The following NPHP1 variants were observed in gnomAD, a reference collection of about 807,000 sequenced individuals.
NPHP1 encodes the protein nephrocystin-1.
In NPHP1, 70 loss-of-function variants were observed where a neutral mutation model predicts 90.4. The observed-to-expected ratio is 0.77, with a 90% CI of 0.64 to 0.95. The LOEUF is 0.95. Among genes scored for constraint, NPHP1 ranks in the 40% least tolerant of loss-of-function variants. The pLI is 0.00. For synonymous variants in NPHP1, 256 were observed against 271.7 expected (o/e 0.94, Z 0.57); for missense variants, 764 against 795.9 (o/e 0.96, Z 0.48).
At position 110,123,484 on chromosome 2, in the gene NPHP1, A is replaced by C. The variant is rs1171285385; in HGVS notation, c.*307T>G. On this transcript the variant is annotated 3_prime_UTR_variant, in exon 20 of 20. Coordinates refer to ENST00000445609, the MANE Select transcript of NPHP1 (RefSeq NM_001128178.3). ...TTTTTCACTTTCTTGAATAATCATA[A>C]ATTTAGTTTTTGACAAAATCTTGCT... The C allele has an allele frequency of 8.4e-6, 2 of 238,496 alleles. No individual in the cohort carries two copies. Among genetic ancestry groups the C allele is most frequent in the Non-Finnish European group, 1.6e-5 (2 of 123,690 alleles). 14.8% of individuals were successfully genotyped at this position (238,496 alleles called of 1,614,324 possible).
rs1008773396 is a variant in NPHP1, at chr2:110,179,641, G to A, written c.187C>T (p.Leu63Phe). The change falls in exon 3 of 20, where the codon CTT becomes TTT. Residue 63 changes from leucine to phenylalanine, a missense_variant. Leu to Phe is a conservative substitution (Grantham distance 22, BLOSUM62 0). Coordinates refer to ENST00000445609, the MANE Select transcript of NPHP1 (RefSeq NM_001128178.3). The stretch of plus-strand genomic sequence containing the variant: ...ATACTTACTTTGCTTAATTTTTGAA[G>A]AGCATTTTTATTTTCATCTATTGCC... ...KQAIDENKNA[L>F]QKLSKADESA... is the part of the protein sequence containing the mutation. 2.9e-6 allele frequency: 4 copies of A among 1,365,268 alleles called. No individual in the cohort carries two copies. Among genetic ancestry groups the A allele is most frequent in the East Asian group, 2.3e-5 (1 of 43,382 alleles). The allele number at this position is 1,365,268 out of a possible 1,614,324, so 84.6% of individuals were successfully genotyped here.
intron 18 of NPHP1, 40 bp from the exon 19 acceptor site, chr2:110,125,721 A>G: frequency 1.3e-6 from 2 of 1,560,802 alleles, no homozygotes; most frequent in Non-Finnish European, 1.8e-6. Context: ...TCCAAGTAGT[A>G]ACAAGTCCTT....
chr2:110,192,748 A>T (rs965228176), intron 2 of NPHP1, among the ~76,000 whole-genome samples: 1 of 152,198 alleles, frequency 6.6e-6, no homozygotes, highest in African/African-American at 2.4e-5. Context: ...TGTTAAGGGC[A>T]GCCAGAGAGA....
At chr2:110,185,892 G>A (rs1031746160) in intron 2 of NPHP1, among the ~76,000 whole-genome samples, 2 of 152,156 alleles carry the variant, frequency 1.3e-5, no homozygotes, top group African/African-American at 2.4e-5. Context: ...CCTTCCAGGG[G>A]CCTTGGGAGA....
chr2:110,174,346 T>C (rs1159770878), intron 4 of NPHP1, among the ~76,000 whole-genome samples: 1 of 152,180 alleles, frequency 6.6e-6, no homozygotes, highest in Non-Finnish European at 1.5e-5. Context: ...AGTATTCCAT[T>C]TTATTGTGTT....
intron 19 of NPHP1, chr2:110,125,361 A>G: frequency 6.6e-7 from 1 of 1,505,452 alleles, no homozygotes; most frequent in African/African-American, 1.4e-5. Flanking sequence ...AATTTGATAC[A>G]CAACTGAGAG....
At chr2:110,203,648 C>T (rs1685721258) in intron 1 of NPHP1, among the ~76,000 whole-genome samples, 1 of 151,882 alleles carries the variant, frequency 6.6e-6, no homozygotes, top group African/African-American at 2.4e-5. Flanking sequence ...CTCTTACCGG[C>T]CTCAGATTAT....
chr2:110,179,575 C>A, intron 3 of NPHP1, 49 bp downstream of exon 3: 1 of 895,740 alleles, frequency 1.1e-6, no homozygotes. Context: ...AATAAAAATA[C>A]TTGTATAGGA....
chr2:110,126,585 T>C (rs909518508), intron 18 of NPHP1: 9 of 152,606 alleles, frequency 5.9e-5, no homozygotes, highest in Non-Finnish European at 1.3e-4. Flanking sequence ...TATGGGTCCT[T>C]AGGAGTTTGA....
chr2:110,140,912 G>A (rs1680578711), intron 16 of NPHP1, among the ~76,000 whole-genome samples: 4 of 152,180 alleles, frequency 2.6e-5, no homozygotes, highest in Admixed American at 2.0e-4. Context: ...GTAGTGGTAA[G>A]AACAAGGGAT....
rs1682464897 is a variant in NPHP1, at chr2:110,163,095, A to G, written c.812T>C (p.Ile271Thr). ...TVDVLTTMGA[I>T]PAGFRPSTLS... ...CGTGGAAGGCCTGAACCCTGCAGGA[A>G]TAGCTCCCATCGTAGTTAACACATC... The change falls in exon 9 of 20, where the codon ATT becomes ACT. Residue 271 changes from isoleucine (I) to threonine (T), a missense_variant. Coordinates refer to ENST00000445609, the MANE Select transcript of NPHP1 (RefSeq NM_001128178.3). The G allele has an allele frequency of 6.2e-7, 1 of 1,613,668 alleles. No homozygotes were observed. Among genetic ancestry groups the G allele is most frequent in the South Asian group, 1.1e-5 (1 of 91,060 alleles).
intron 2 of NPHP1, among the ~76,000 whole-genome samples, chr2:110,198,367 T>C (rs1685311188): frequency 6.6e-6 from 1 of 152,174 alleles, no homozygotes; most frequent in Non-Finnish European, 1.5e-5. Context: ...TTGTGTTATA[T>C]TGTGTAAATT....
In NPHP1 at chr2:110,169,958, C is replaced by T. The variant is rs1337821452; in HGVS notation, c.370G>A (p.Glu124Lys). 1 of 1,609,190 alleles carries T rather than the reference C, an allele frequency of 6.2e-7. No individual in the cohort carries two copies. Among genetic ancestry groups the T allele is most frequent in the Non-Finnish European group, 8.5e-7 (1 of 1,175,670 alleles). The change falls in exon 5 of 20, where the codon GAA becomes AAA. Residue 124 changes from glutamate (E) to lysine (K), a missense_variant. Glu to Lys is a moderately conservative substitution (Grantham distance 56). Transcript: ENST00000445609. ...PTEEEEESES[E>K]DSEDSGGEEE... ...TCCCCACCACTGTCTTCACTATCTTCACTTTCACTTTCTTCCTCTTCTTCA... is the reference window on the plus strand; with the variant it reads ...TCCCCACCACTGTCTTCACTATCTTTACTTTCACTTTCTTCCTCTTCTTCA...
intron 2 of NPHP1, chr2:110,184,537 G>A (rs1314967454): frequency 5.5e-6 from 7 of 1,278,428 alleles, no homozygotes; most frequent in Admixed American, 3.6e-5. Flanking sequence ...CTGGATTCTG[G>A]GGATGGCATC....
chr2:110,132,256 G>A (rs2104439605), intron 16 of NPHP1, among the ~76,000 whole-genome samples: 1 of 152,282 alleles, frequency 6.6e-6, no homozygotes, highest in African/African-American at 2.4e-5. Context: ...TCTTAGCTAT[G>A]TGACTTTAAA....
intron 13 of NPHP1, among the ~76,000 whole-genome samples, chr2:110,147,188 G>T (rs755080643): frequency 1.3e-5 from 2 of 152,036 alleles, no homozygotes; most frequent in South Asian, 4.1e-4. Flanking sequence ...CTGACAGATA[G>T]AATGCAGATA....
At chr2:110,154,285 C>T (rs1041461758) in intron 11 of NPHP1, among the ~76,000 whole-genome samples, 3 of 152,160 alleles carry the variant, frequency 2.0e-5, no homozygotes, top group Non-Finnish European at 4.4e-5. Flanking sequence ...TCCTCAGACA[C>T]GTGGAACTGT....
chr2:110,191,552 G>A (rs934657688), intron 2 of NPHP1, among the ~76,000 whole-genome samples: 1 of 152,222 alleles, frequency 6.6e-6, no homozygotes, highest in East Asian at 1.9e-4. Flanking sequence ...AAGGAGGCCT[G>A]CCTGCCTCTT....
At position 110,189,481 on chromosome 2, in the gene NPHP1, G is replaced by A. The variant is rs138315528; in HGVS notation, c.144-9797C>T. 5.3e-4 allele frequency among the ~76,000 whole-genome samples: 81 copies of A among 152,198 alleles called. 2 individuals carry two copies. The East Asian group carries it at 0.015, about 28-fold the overall frequency. ...TCTCGCTGACTTCAGGAGTGAAGCT[G>A]CAGACCTTCGCGGTGAGTGTTACAG... is the stretch of plus-strand genomic sequence containing the variant. On this transcript the variant is annotated intron_variant, in intron 2 of 19. Coordinates refer to ENST00000445609, the MANE Select transcript of NPHP1 (RefSeq NM_001128178.3).
Sources: allele counts gnomAD v4.1 joint callset (sites outside exome capture counted in the v4.1 genomes callset), GRCh38; gene constraint gnomAD v4.1.1; transcripts MANE v1.5; gene names NCBI Gene and HGNC (gene_info 2026-07-23, HGNC 2026-07-21).